The following CUX1 variants were observed in gnomAD, a reference collection of about 807,000 sequenced individuals.
CUX1 encodes protein CASP.
A neutral mutation model predicts 158.8 loss-of-function variants in CUX1; 31 were observed. The ratio of observed to expected loss-of-function variants is 0.20; its 90% CI spans 0.15 to 0.26. The LOEUF is 0.26. Among genes scored for constraint, CUX1 ranks in the 10% least tolerant of loss-of-function variants. The probability of loss-of-function intolerance (pLI) is 1.00; values close to 1 mark genes in which losing one functional copy is unlikely to be tolerated. For synonymous variants in CUX1, 879 were observed against 862.1 expected, an observed-to-expected ratio of 1.02 and a Z score of -0.34; for missense variants, 1,589 against 2,014.6, an observed-to-expected ratio of 0.79 and a Z score of 4.04.
At chr7:101,976,509 C>G (rs1812705043) in intron 2 of CUX1, among the ~76,000 whole-genome samples, 1 of 152,130 alleles carries the variant, frequency 6.6e-6, no homozygotes. Flanking sequence ...ATGAACTTCC[C>G]CTAAAAGCCA....
intron 11 of CUX1, among the ~76,000 whole-genome samples, chr7:102,182,394 C>A (rs906505350): frequency 4.6e-5 from 7 of 152,194 alleles, no homozygotes; most frequent in African/African-American, 1.7e-4. Flanking sequence ...CTTTCTCTAA[C>A]CCATTGAAAT....
chr7:101,881,663 C>T (rs1799721548), intron 1 of CUX1, among the ~76,000 whole-genome samples: 1 of 152,098 alleles, frequency 6.6e-6, no homozygotes. Flanking sequence ...AAGAACTTAT[C>T]CTGCCTTTTC....
intron 5 of CUX1, among the ~76,000 whole-genome samples, chr7:102,102,490 C>G (rs1253144799): frequency 6.6e-6 from 1 of 151,502 alleles, no homozygotes; most frequent in Admixed American, 6.6e-5. Flanking sequence ...GTTAATCGCC[C>G]AGGTGTTTTG....
intron 10 of CUX1, among the ~76,000 whole-genome samples, chr7:102,176,467 C>A (rs1792349001): frequency 6.6e-6 from 1 of 151,700 alleles, no homozygotes; most frequent in Non-Finnish European, 1.5e-5. Context: ...CCATGCAGCT[C>A]TGCCCTCTCC....
chr7:102,170,596 G>C (rs367951475), intron 10 of CUX1, 46 bp downstream of exon 10: 1 of 1,335,336 alleles, frequency 7.5e-7, no homozygotes. Flanking sequence ...CCTGGCCTCC[G>C]CACCTTCGAG....
At chr7:101,974,151 C>T (rs1157168178) in intron 2 of CUX1, among the ~76,000 whole-genome samples, 2 of 151,776 alleles carry the variant, frequency 1.3e-5, no homozygotes, top group Non-Finnish European at 1.5e-5. Flanking sequence ...CTGCAACGTC[C>T]ACCTCCCTGG....
Position 102,161,582 on chromosome 7 carries a change from G to A in CUX1, c.723+2974G>A, listed in dbSNP as rs147560687. On this transcript the variant is annotated intron_variant, in intron 9 of 23. Coordinates refer to ENST00000292535, the MANE Select transcript of CUX1 (RefSeq NM_181552.4). ...TCTGCTCATTGGCAGCAAGGAGTCC[G>A]TGCCTAGGAAATTCCATTTTTTAAA... Among the ~76,000 whole-genome samples, 43 of 152,232 alleles carry A rather than the reference G, an allele frequency of 2.8e-4. No homozygotes were observed. In the East Asian group the frequency reaches 8.1e-3, roughly 29 times the overall value.
In CUX1 at chr7:102,158,624, C is replaced by T; in HGVS notation, c.723+16C>T. On this transcript the variant is annotated intron_variant, in intron 9 of 23. Transcript: ENST00000292535. ...GGCAAACCAGGTAGGACCCTGGACG[C>T]TTTTAGTCCTAAAACCCACAATAGC... is the stretch of plus-strand genomic sequence containing the variant. 1.2e-6 allele frequency: 2 copies of T among 1,613,610 alleles called. No homozygotes were observed. The highest frequency in any genetic ancestry group is 1.7e-6 in the Non-Finnish European group (2 of 1,179,578).
intron 1 of CUX1, among the ~76,000 whole-genome samples, chr7:101,904,805 G>A (rs1802566630): frequency 6.6e-6 from 1 of 152,104 alleles, no homozygotes; most frequent in Admixed American, 6.6e-5. Flanking sequence ...CTGACCTCAG[G>A]TGATCCCCCT....
chr7:101,939,833 C>T (rs979295405), intron 2 of CUX1, among the ~76,000 whole-genome samples: 1 of 151,722 alleles, frequency 6.6e-6, no homozygotes, highest in African/African-American at 2.4e-5. Context: ...CGCGGTAGCT[C>T]ACACTTTGGG....
chr7:102,036,789 G>A (rs1821479219), intron 3 of CUX1, among the ~76,000 whole-genome samples: 1 of 151,864 alleles, frequency 6.6e-6, no homozygotes. Flanking sequence ...CCGGAATCTG[G>A]CCTATGCATA....
In CUX1 at chr7:102,255,193, GCCT is replaced by G. The variant is rs1789766372; in HGVS notation, c.*6158_*6160del. 8 of 985,434 alleles carry G rather than the reference GCCT, an allele frequency of 8.1e-6. No individual in the cohort carries two copies. Among genetic ancestry groups the G allele is most frequent in the East Asian group, 1.1e-4 (1 of 8,808 alleles). The allele number at this position is 985,434 out of a possible 1,614,324, so 61.0% of individuals were successfully genotyped here. A position where few individuals can be genotyped will look rare whatever the true frequency, so the allele number is the denominator to read the frequency against. ...CCTGTCTGCCCGACTTCCAAAAACT[GCCT>G]CCTCCTGCCCAGGCCTCTCCCACCA... On this transcript the variant is annotated 3_prime_UTR_variant, in exon 24 of 24. Transcript: ENST00000292535.
chr7:102,233,244 G>C (rs1438522215), intron 21 of CUX1, among the ~76,000 whole-genome samples: 1 of 149,622 alleles, frequency 6.7e-6, no homozygotes, highest in Non-Finnish European at 1.5e-5. Flanking sequence ...GGAGTGCAGT[G>C]GTGCAATCAT....
At chr7:101,818,850 A>C (rs1792170707) in intron 1 of CUX1, 1 of 152,184 alleles carries the variant, frequency 6.6e-6, no homozygotes, top group East Asian at 1.9e-4. Flanking sequence ...TTGGGAGAGA[A>C]TTCATTAGTT....
At chr7:102,193,966 C>T in intron 13 of CUX1, 76 bp downstream of exon 13, 4 of 1,398,970 alleles carry the variant, frequency 2.9e-6, no homozygotes, top group East Asian at 2.3e-5. Context: ...CGGCATATCC[C>T]ATGATCCACT....
chr7:101,932,219 G>C (rs1195984816), intron 2 of CUX1: 1 of 160,346 alleles, frequency 6.2e-6, no homozygotes, highest in Non-Finnish European at 1.4e-5. Context: ...ATTAAGTGCG[G>C]CTTCATTTTT....
intron 4 of CUX1, 69 bp from the exon 5 acceptor site, chr7:102,097,295 C>T (rs920120233): frequency 6.5e-7 from 1 of 1,532,004 alleles, no homozygotes. Context: ...CACTCTGAGC[C>T]TGTGTACCGC....
At chr7:102,138,750 T>C (rs1288495532) in intron 8 of CUX1, among the ~76,000 whole-genome samples, 1 of 152,154 alleles carries the variant, frequency 6.6e-6, no homozygotes, top group Non-Finnish European at 1.5e-5. Flanking sequence ...GTCTACTCCC[T>C]TTACAAAGCA....
At chr7:102,181,973 C>T (rs1291159221) in intron 11 of CUX1, among the ~76,000 whole-genome samples, 2 of 152,266 alleles carry the variant, frequency 1.3e-5, no homozygotes, top group South Asian at 2.1e-4. Context: ...ACCCTGCCCC[C>T]GCAGTCTTGG....
Sources: allele counts gnomAD v4.1 joint callset (sites outside exome capture counted in the v4.1 genomes callset), GRCh38; gene constraint gnomAD v4.1.1; transcripts MANE v1.5; gene names NCBI Gene and HGNC (gene_info 2026-07-23, HGNC 2026-07-21).